Variants in PCSK2 observed in about 807,000 individuals in gnomAD.
PCSK2 encodes neuroendocrine convertase 2.
Under a neutral mutation model 69.7 loss-of-function variants are expected in PCSK2, and 14 were observed. That is an observed-to-expected ratio of 0.20 (90% CI 0.13 to 0.31). The LOEUF is 0.31. Among genes scored for constraint, PCSK2 ranks in the 10% least tolerant of loss-of-function variants. PCSK2 has a pLI of 1.00. For synonymous variants in PCSK2, 307 were observed against 320.7 expected, an observed-to-expected ratio of 0.96 and a Z score of 0.46; for missense variants, 544 against 842.5, an observed-to-expected ratio of 0.65 and a Z score of 4.39.
intron 5 of PCSK2, 102 bp downstream of exon 5, chr20:17,369,379 C>T (rs2030691555): frequency 1.1e-6 from 1 of 883,522 alleles, no homozygotes; most frequent in African/African-American, 1.6e-5. Flanking sequence ...TATACACATG[C>T]ATGCAAGTAC....
intron 2 of PCSK2, among the ~76,000 whole-genome samples, chr20:17,275,727 G>C (rs1041762916): frequency 1.3e-5 from 2 of 152,046 alleles, no homozygotes; most frequent in Non-Finnish European, 2.9e-5. Flanking sequence ...CAGTCTGCTG[G>C]GATCCATCAC....
intron 10 of PCSK2, chr20:17,464,245 T>A (rs1032405673): frequency 6.6e-6 from 1 of 152,162 alleles, no homozygotes; most frequent in Non-Finnish European, 1.5e-5. Context: ...AAAATTTTCA[T>A]GGGCAGTCCC....
intron 2 of PCSK2, among the ~76,000 whole-genome samples, chr20:17,299,394 T>G (rs2123084523): frequency 6.6e-6 from 1 of 152,300 alleles, no homozygotes; most frequent in Admixed American, 6.5e-5. Context: ...ACCCTAAATT[T>G]TATTTCAATT....
At chr20:17,336,149 T>C (rs1038992228) in intron 2 of PCSK2, among the ~76,000 whole-genome samples, 1 of 152,206 alleles carries the variant, frequency 6.6e-6, no homozygotes, top group Non-Finnish European at 1.5e-5. Context: ...GTTGAAAGAA[T>C]TAGATATATA....
chr20:17,245,088 A>C (rs1986722933), intron 1 of PCSK2, among the ~76,000 whole-genome samples: 1 of 152,142 alleles, frequency 6.6e-6, no homozygotes. Flanking sequence ...TCACAGAATT[A>C]TCCCAAATAG....
intron 9 of PCSK2, among the ~76,000 whole-genome samples, chr20:17,454,302 C>T (rs1363820128): frequency 6.6e-6 from 1 of 152,288 alleles, no homozygotes; most frequent in African/African-American, 2.4e-5. Context: ...ATTGTAAGAA[C>T]CAAGGCATCA....
intron 5 of PCSK2, among the ~76,000 whole-genome samples, chr20:17,395,250 G>A (rs1000253504): frequency 9.2e-5 from 14 of 152,110 alleles, no homozygotes; most frequent in African/African-American, 2.7e-4. Flanking sequence ...TACAAATTTC[G>A]GGGGTTGGTT....
chr20:17,350,965 G>A (rs564290355), intron 2 of PCSK2, among the ~76,000 whole-genome samples: 1 of 151,736 alleles, frequency 6.6e-6, no homozygotes, highest in East Asian at 1.9e-4. Context: ...GCTTGAACCT[G>A]GGAGTCGGAG....
intron 2 of PCSK2, among the ~76,000 whole-genome samples, chr20:17,319,089 T>C (rs1249478571): frequency 6.6e-6 from 1 of 152,234 alleles, no homozygotes. Flanking sequence ...AAATAATTAA[T>C]TGTAAATTGT....
chr20:17,396,441 A>C (rs2031512779), intron 5 of PCSK2, among the ~76,000 whole-genome samples: 1 of 152,188 alleles, frequency 6.6e-6, no homozygotes, highest in Admixed American at 6.5e-5. Context: ...CCTCTCATTA[A>C]GCTATCAAAG....
At chr20:17,451,496 C>T (rs1021141967) in intron 8 of PCSK2, among the ~76,000 whole-genome samples, 1 of 152,116 alleles carries the variant, frequency 6.6e-6, no homozygotes, top group Non-Finnish European at 1.5e-5. Flanking sequence ...AGGAGGCTAA[C>T]CTAGGCTTAT....
intron 1 of PCSK2, among the ~76,000 whole-genome samples, chr20:17,229,261 A>T (rs997289872): frequency 9.9e-5 from 15 of 151,904 alleles, no homozygotes; most frequent in African/African-American, 2.7e-4. Context: ...TTCAATCCAG[A>T]TCTTTCAGAA....
At chr20:17,349,042 C>T (rs1809708712) in intron 2 of PCSK2, among the ~76,000 whole-genome samples, 2 of 152,188 alleles carry the variant, frequency 1.3e-5, no homozygotes, top group South Asian at 4.1e-4. Flanking sequence ...GGGAAAATAA[C>T]TGAGATAATG....
At chr20:17,327,632 A>T (rs1403156021) in intron 2 of PCSK2, among the ~76,000 whole-genome samples, 1 of 152,098 alleles carries the variant, frequency 6.6e-6, no homozygotes, top group East Asian at 1.9e-4. Context: ...TCCCATAGAC[A>T]GTGCACCCTC....
At chr20:17,406,272 A>C (rs145073931) in intron 5 of PCSK2, among the ~76,000 whole-genome samples, 129 of 152,362 alleles carry the variant, frequency 8.5e-4, no homozygotes, top group African/African-American at 2.9e-3. Context: ...GCATAAACAG[A>C]ACGCTTGCAA....
At chr20:17,331,602 A>G (rs903392479) in intron 2 of PCSK2, among the ~76,000 whole-genome samples, 3 of 152,240 alleles carry the variant, frequency 2.0e-5, no homozygotes, top group African/African-American at 7.2e-5. Context: ...CCAAACAGCC[A>G]GTCTGTGACT....
intron 7 of PCSK2, 145 bp downstream of exon 7, chr20:17,429,668 C>A (rs1180180146): frequency 7.4e-6 from 4 of 539,138 alleles, no homozygotes; most frequent in South Asian, 5.9e-5. Context: ...TTTCTTTTAA[C>A]CTGCATAACA....
rs1431693813 is a variant in PCSK2 at position 17,419,728 on chromosome 20, C to A, written c.621-9707C>A. On this transcript the variant is annotated intron_variant, in intron 6 of 11. Coordinates refer to ENST00000262545, the MANE Select transcript of PCSK2 (RefSeq NM_002594.5). ...CCACGTTTTGTCAATAATCTTGCAG[C>A]CCTGCTCATTTTAGGTCAATGTTTG... 3.3e-5 allele frequency among the ~76,000 whole-genome samples: 5 copies of A among 152,324 alleles called. No homozygotes were observed. In the East Asian group the frequency reaches 9.6e-4, roughly 29 times the overall value.
At chr20:17,382,838 T>C (rs1448830046) in intron 5 of PCSK2, among the ~76,000 whole-genome samples, 1 of 152,190 alleles carries the variant, frequency 6.6e-6, no homozygotes, top group African/African-American at 2.4e-5. Flanking sequence ...TTGTCCTGCT[T>C]ACTCACGATG....
Sources: gnomAD v4.1 joint callset for allele counts (sites outside exome capture counted in the v4.1 genomes callset) on GRCh38, gnomAD v4.1.1 for gene constraint, MANE v1.5 for transcripts, NCBI Gene and HGNC (gene_info 2026-07-23, HGNC 2026-07-21) for gene names.